The following GARNL3 variants were observed in gnomAD, a reference collection of about 807,000 sequenced individuals.
GARNL3 encodes the protein GTPase-activating Rap/Ran-GAP domain-like protein 3.
GARNL3 carries 63 observed loss-of-function variants against 125.0 expected under a neutral mutation model. The ratio of observed to expected loss-of-function variants is 0.50; its 90% CI spans 0.41 to 0.62. GARNL3 has a LOEUF of 0.62. Among genes scored for constraint, GARNL3 ranks in the 20% least tolerant of loss-of-function variants. GARNL3 has a pLI of 0.00. For missense variants in GARNL3, 994 were observed against 1,244.0 expected (o/e 0.80, Z 3.02); for synonymous variants, 439 against 457.5 (o/e 0.96, Z 0.52).
chr9:127,229,651 A>G (rs2062968552), intron 1 of GARNL3, among the ~76,000 whole-genome samples: 2 of 152,164 alleles, frequency 1.3e-5, no homozygotes, highest in African/African-American at 2.4e-5. Context: ...GAGTGCCACC[A>G]TGCCCAGCTA....
At chr9:127,301,318 C>T (rs1170101713) in intron 2 of GARNL3, among the ~76,000 whole-genome samples, 1 of 152,166 alleles carries the variant, frequency 6.6e-6, no homozygotes, top group Non-Finnish European at 1.5e-5. Flanking sequence ...CACTCTACCT[C>T]TTTTTATGGA....
intron 21 of GARNL3, among the ~76,000 whole-genome samples, chr9:127,357,663 C>G (rs770540477): frequency 6.6e-6 from 1 of 152,002 alleles, no homozygotes; most frequent in African/African-American, 2.4e-5. Context: ...AAAGGCCGGG[C>G]ACAATGGCTC....
Position 127,389,137 on chromosome 9 carries a change from T to C in GARNL3, c.2743+18T>C, listed in dbSNP as rs1490400273. Reference sequence around the variant, plus strand: ...ACTACTGGGTAATGGTTCTCAATCCTGGTTTCCACTGTCTGTGAACAGACC... The same window carrying C: ...ACTACTGGGTAATGGTTCTCAATCCCGGTTTCCACTGTCTGTGAACAGACC... On this transcript the variant is annotated intron_variant, in intron 26 of 27. Transcript: ENST00000373387. 1 of 1,556,798 alleles carries C rather than the reference T, an allele frequency of 6.4e-7. No individual in the cohort carries two copies. The highest frequency in any genetic ancestry group is 1.7e-5 in the Admixed American group (1 of 59,714).
Position 127,357,276 on chromosome 9 carries a change from G to A in GARNL3, c.1993G>A (p.Glu665Lys), listed in dbSNP as rs1306468549. The A allele has an allele frequency of 6.2e-7, 1 of 1,614,240 alleles. No homozygotes were observed. Among genetic ancestry groups the A allele is most frequent in the Admixed American group, 1.7e-5 (1 of 60,036 alleles). Reference sequence around the variant, plus strand: ...GACCTTAGTGGATGGGCCAGCTGAAGAGAGTGACAATCTCATCTGTGTGGC... The same window carrying A: ...GACCTTAGTGGATGGGCCAGCTGAAAAGAGTGACAATCTCATCTGTGTGGC... ...VMTLVDGPAEESDNLICVAYR... is the reference protein window; with the variant it reads ...VMTLVDGPAEKSDNLICVAYR... Residue 665 changes from glutamate to lysine, a missense_variant, in exon 21 of 28, where the codon GAG becomes AAG. This residue lies in a region of GARNL3 where 728 missense variants were observed against 865.7 expected (regional missense o/e 0.84). Transcript: ENST00000373387.
At chr9:127,245,822 C>T (rs773386554) in intron 2 of GARNL3, among the ~76,000 whole-genome samples, 2 of 152,156 alleles carry the variant, frequency 1.3e-5, no homozygotes, top group African/African-American at 2.4e-5. Flanking sequence ...TGGGACGCAC[C>T]GCTTGGAAGT....
chr9:127,316,379 C>CAAAA (rs142330723), intron 4 of GARNL3, among the ~76,000 whole-genome samples: 1 of 145,094 alleles, frequency 6.9e-6, no homozygotes, highest in African/African-American at 2.5e-5. Flanking sequence ...CTGCCTGCTA[C>CAAAA]AAAAAAAAAA....
intron 1 of GARNL3, among the ~76,000 whole-genome samples, chr9:127,239,180 T>C (rs925503207): frequency 1.3e-5 from 2 of 152,232 alleles, no homozygotes; most frequent in Non-Finnish European, 2.9e-5. Flanking sequence ...TGACTTGTAG[T>C]CTTTCTTTGG....
At chr9:127,371,878 G>A (rs897539516) in intron 22 of GARNL3, among the ~76,000 whole-genome samples, 2 of 152,216 alleles carry the variant, frequency 1.3e-5, no homozygotes, top group African/African-American at 4.8e-5. Context: ...CAGTTCAATA[G>A]CAAAATAAGA....
chr9:127,326,540 A>G (rs986509069), intron 7 of GARNL3, among the ~76,000 whole-genome samples: 2 of 152,204 alleles, frequency 1.3e-5, no homozygotes, highest in Non-Finnish European at 2.9e-5. Flanking sequence ...GCATGCCTGT[A>G]TCAAAACATC....
intron 2 of GARNL3, among the ~76,000 whole-genome samples, chr9:127,308,789 T>G (rs993921939): frequency 6.6e-6 from 1 of 152,218 alleles, no homozygotes; most frequent in Non-Finnish European, 1.5e-5. Flanking sequence ...AGCCCTACTC[T>G]TGCGAAATAC....
intron 22 of GARNL3, among the ~76,000 whole-genome samples, chr9:127,368,442 C>T (rs1435363561): frequency 7.3e-5 from 11 of 151,470 alleles, no homozygotes; most frequent in African/African-American, 1.7e-4. Flanking sequence ...GCAATTCTCC[C>T]GTCTCAGCCT....
chr9:127,371,405 G>A (rs944106027), intron 22 of GARNL3, among the ~76,000 whole-genome samples: 2 of 152,188 alleles, frequency 1.3e-5, no homozygotes, highest in Non-Finnish European at 2.9e-5. Context: ...GATTTCCAGA[G>A]ATTCCTGGAG....
At position 127,342,308 on chromosome 9, in the gene GARNL3, C is replaced by G; in HGVS notation, c.1225C>G (p.Gln409Glu). 6.2e-7 allele frequency: 1 copy of G among 1,611,934 alleles called. No homozygotes were observed. Among genetic ancestry groups the G allele is most frequent in the Non-Finnish European group, 8.5e-7 (1 of 1,178,084 alleles). ...GGATATGTTGATTAGATCTTTACAC[C>G]AGGATTTGATGCCAGATTTGCATAA... ...TLDMLIRSLH[Q>E]DLMPDLHKNM... The change falls in exon 14 of 28, where the codon CAG becomes GAG. Residue 409 changes from glutamine to glutamate, a missense_variant. Transcript: ENST00000373387.
intron 2 of GARNL3, among the ~76,000 whole-genome samples, chr9:127,243,450 G>A (rs983643748): frequency 6.6e-6 from 1 of 152,212 alleles, no homozygotes; most frequent in Non-Finnish European, 1.5e-5. Context: ...TACTCGTCCA[G>A]GTCCTGTGTC....
intron 1 of GARNL3, among the ~76,000 whole-genome samples, chr9:127,277,492 A>G (rs537089122): frequency 5.9e-5 from 9 of 151,474 alleles, no homozygotes; most frequent in Non-Finnish European, 1.3e-4. Flanking sequence ...TCCCTAATGT[A>G]CAGCTCTGGC....
chr9:127,226,477 G>T (rs112049234), intron 1 of GARNL3, among the ~76,000 whole-genome samples: 1 of 152,310 alleles, frequency 6.6e-6, no homozygotes, highest in South Asian at 2.1e-4. Flanking sequence ...CCCAGAGCTG[G>T]CTCAGGCCTG....
At chr9:127,246,806 C>CA (rs889466630) in intron 2 of GARNL3, among the ~76,000 whole-genome samples, 327 of 145,674 alleles carry the variant, frequency 2.2e-3, no homozygotes, top group African/African-American at 7.5e-3. Flanking sequence ...GACTCTGCCT[C>CA]AAAAAAAAAA....
At chr9:127,335,027 G>A (rs115490638) in intron 9 of GARNL3, among the ~76,000 whole-genome samples, 4 of 152,246 alleles carry the variant, frequency 2.6e-5, no homozygotes, top group African/African-American at 9.6e-5. Context: ...GAATTGGACA[G>A]CAAGTGAGCT....
intron 25 of GARNL3, 90 bp from the exon 26 acceptor site, chr9:127,388,814 A>T (rs1431108752): frequency 1.2e-6 from 1 of 815,264 alleles, no homozygotes; most frequent in Non-Finnish European, 2.1e-6. Flanking sequence ...GTCTTCCTTC[A>T]TGCTATGTTA....
Sources: gnomAD v4.1 joint callset for allele counts (sites outside exome capture counted in the v4.1 genomes callset) on GRCh38, gnomAD v4.1.1 for gene constraint, gnomAD v4.1.1 regional missense constraint, MANE v1.5 for transcripts, NCBI Gene and HGNC (gene_info 2026-07-23, HGNC 2026-07-21) for gene names.